PTHLH: variants seen among roughly 807,000 people sequenced by gnomAD.
PTHLH encodes the protein parathyroid hormone like hormone, also known as parathyroid hormone-related protein.
In PTHLH, 5 loss-of-function variants were observed where a neutral mutation model predicts 18.6. The ratio of observed to expected loss-of-function variants is 0.27; its 90% CI spans 0.14 to 0.56. The LOEUF (loss-of-function observed/expected upper bound fraction) is 0.56, where lower values mean the gene tolerates loss of function less well. Among genes scored for constraint, PTHLH ranks in the 20% least tolerant of loss-of-function variants. PTHLH has a pLI of 0.92. For missense variants in PTHLH, 207 were observed against 223.9 expected, an observed-to-expected ratio of 0.92 and a Z score of 0.48; for synonymous variants, 90 against 94.0, an observed-to-expected ratio of 0.96 and a Z score of 0.25.
At chr12:27,963,990 T>C (rs922637287) in intron 4 of PTHLH, among the ~76,000 whole-genome samples, 1 of 152,154 alleles carries the variant, frequency 6.6e-6, no homozygotes. Context: ...TACCACTCAC[T>C]AGGTTGTGAC....
chr12:27,969,262 C>A, intron 4 of PTHLH, 132 bp downstream of exon 4: 1 of 865,590 alleles, frequency 1.2e-6, no homozygotes, highest in South Asian at 1.7e-5. Context: ...GGCAGGTATC[C>A]GGGATGGTCC....
chr12:27,965,385 C>T (rs2062803614), intron 4 of PTHLH, among the ~76,000 whole-genome samples: 1 of 152,202 alleles, frequency 6.6e-6, no homozygotes, highest in African/African-American at 2.4e-5. Context: ...CAATAATAGG[C>T]AGATTGGACA....
chr12:27,970,050 G>A lies in PTHLH; in HGVS notation c.-48C>T, dbSNP rs751553507. 2.5e-5 allele frequency: 13 copies of A among 518,912 alleles called. No homozygotes were observed. Among genetic ancestry groups the A allele is most frequent in the South Asian group, 5.6e-5 (4 of 71,600 alleles). 32.1% of individuals were successfully genotyped at this position (518,912 alleles called of 1,614,324 possible). A position where few individuals can be genotyped will look rare whatever the true frequency, so the allele number is the denominator to read the frequency against. On this transcript the variant is annotated 5_prime_UTR_variant, in exon 3 of 6. Transcript: ENST00000545234. ...CTCCTCTGGTGGGCTGGTTGCTTCCGGAAAGTTGATTCCACACACCCTGAG... is the reference window on the plus strand; with the variant it reads ...CTCCTCTGGTGGGCTGGTTGCTTCCAGAAAGTTGATTCCACACACCCTGAG...
chr12:27,958,829 T>C (rs1373518448), intron 5 of PTHLH, among the ~76,000 whole-genome samples: 1 of 152,220 alleles, frequency 6.6e-6, no homozygotes, highest in Non-Finnish European at 1.5e-5. Flanking sequence ...CCAATCATGC[T>C]GTCAGAAAAA....
At chr12:27,965,004 G>A (rs2062799190) in intron 4 of PTHLH, among the ~76,000 whole-genome samples, 1 of 152,180 alleles carries the variant, frequency 6.6e-6, no homozygotes, top group South Asian at 2.1e-4. Context: ...TACATCCCAT[G>A]TACTCTTACT....
At position 27,958,270 on chromosome 12, in the gene PTHLH, TTA is replaced by T. The variant is rs1311696944; in HGVS notation, c.*287_*288del. The T allele has an allele frequency of 3.7e-6, 1 of 273,132 alleles. No individual in the cohort carries two copies. The highest frequency in any genetic ancestry group is 6.1e-5 in the East Asian group (1 of 16,414). The allele number at this position is 273,132 out of a possible 1,614,324, so 16.9% of individuals were successfully genotyped here. A position where few individuals can be genotyped will look rare whatever the true frequency, so the allele number is the denominator to read the frequency against. On this transcript the variant is annotated 3_prime_UTR_variant, in exon 6 of 6. Coordinates refer to ENST00000545234, the MANE Select transcript of PTHLH (RefSeq NM_198965.2). Reference sequence around the variant, plus strand: ...ACTTGATATGTATATCTAAAGTGCATTATGTTACAAAAAATATAGAAATTCAG... The same window carrying T: ...ACTTGATATGTATATCTAAAGTGCATTGTTACAAAAAATATAGAAATTCAG...
Position 27,971,983 on chromosome 12 carries a change from G to A in PTHLH, c.-322C>T, listed in dbSNP as rs1391696074. On this transcript the variant is annotated 5_prime_UTR_variant, in exon 2 of 6. Transcript: ENST00000545234. ...AAAGAATCCTTCCAAAAAGATGCAG[G>A]AGCCCTAATGTAATCGTTAGATCTG... is the stretch of plus-strand genomic sequence containing the variant. The A allele has an allele frequency of 1.4e-5, 2 of 138,498 alleles. No homozygotes were observed. The highest frequency in any genetic ancestry group is 3.0e-5 in the Non-Finnish European group (2 of 65,844). 8.6% of individuals were successfully genotyped at this position (138,498 alleles called of 1,614,324 possible).
At chr12:27,964,638 G>T (rs2062796231) in intron 4 of PTHLH, among the ~76,000 whole-genome samples, 1 of 151,942 alleles carries the variant, frequency 6.6e-6, no homozygotes, top group South Asian at 2.1e-4. Flanking sequence ...CAGAGAGTAT[G>T]ATCCTTACTA....
In PTHLH at chr12:27,969,482, G is replaced by T; in HGVS notation, c.13C>A (p.Leu5Met). 1 of 1,585,658 alleles carries T rather than the reference G, an allele frequency of 6.3e-7. No homozygotes were observed. The stretch of plus-strand genomic sequence containing the variant: ...ACCGCGACGCTCCACTGCTGAACCA[G>T]TCTCCGCTGCATCGTCTCCGCTCGC... MQRR[L>M]VQQWSVAVFL... Residue 5 changes from leucine (L) to methionine (M), a missense_variant, in exon 4 of 6, where the codon CTG becomes ATG. Coordinates refer to ENST00000545234, the MANE Select transcript of PTHLH (RefSeq NM_198965.2).
rs1410663264 is a variant in PTHLH at position 27,963,536 on chromosome 12, C to A, written c.336G>T (p.Glu112Asp). The A allele has an allele frequency of 6.2e-7, 1 of 1,614,068 alleles. No individual in the cohort carries two copies. Among genetic ancestry groups the A allele is most frequent in the African/African-American group, 1.3e-5 (1 of 74,924 alleles). Residue 112 changes from glutamate (E) to aspartate (D), a missense_variant, in exon 5 of 6, where the codon GAG becomes GAT. Physicochemically the swap from Glu to Asp is conservative, Grantham distance 45. Coordinates refer to ENST00000545234, the MANE Select transcript of PTHLH (RefSeq NM_198965.2). ...TCTTGAGCGGCTGCTCTTTGTACGTCTCCACCTTGTTAGTTTCCTGAGTTA... is the reference window on the plus strand; with the variant it reads ...TCTTGAGCGGCTGCTCTTTGTACGTATCCACCTTGTTAGTTTCCTGAGTTA... ...RYLTQETNKVETYKEQPLKTP... is the reference protein window; with the variant it reads ...RYLTQETNKVDTYKEQPLKTP...
At chr12:27,968,478 C>T (rs960275224) in intron 4 of PTHLH, among the ~76,000 whole-genome samples, 1 of 152,180 alleles carries the variant, frequency 6.6e-6, no homozygotes. Flanking sequence ...CCATTCTGAA[C>T]ACTGAGTCTG....
intron 4 of PTHLH, among the ~76,000 whole-genome samples, chr12:27,965,170 GTC>G (rs1214309074): frequency 1.3e-5 from 2 of 152,022 alleles, no homozygotes; most frequent in Non-Finnish European, 2.9e-5. Context: ...ACTTGCCCTA[GTC>G]TACACAATGA....
At chr12:27,968,400 T>C (rs2062836063) in intron 4 of PTHLH, among the ~76,000 whole-genome samples, 1 of 152,226 alleles carries the variant, frequency 6.6e-6, no homozygotes, top group Admixed American at 6.5e-5. Context: ...TTATTGTTAG[T>C]GTAAAAATTT....
At chr12:27,958,628 A>G (rs1469095950) in intron 5 of PTHLH, 60 bp from the exon 6 acceptor site, 1 of 1,472,768 alleles carries the variant, frequency 6.8e-7, no homozygotes, top group African/African-American at 1.4e-5. Flanking sequence ...TTACAAATGA[A>G]AACATAAAAT....
intron 4 of PTHLH, among the ~76,000 whole-genome samples, chr12:27,964,593 C>T (rs894238081): frequency 6.6e-6 from 1 of 151,662 alleles, no homozygotes; most frequent in Non-Finnish European, 1.5e-5. Context: ...TCTATTTCTT[C>T]TGTGCTTCAT....
At chr12:27,968,601 A>G (rs1351747932) in intron 4 of PTHLH, among the ~76,000 whole-genome samples, 1 of 152,254 alleles carries the variant, frequency 6.6e-6, no homozygotes, top group African/African-American at 2.4e-5. Flanking sequence ...GTCACACGAC[A>G]TAGTGATATT....
At position 27,958,555 on chromosome 12, in the gene PTHLH, A is replaced by G; in HGVS notation, c.*4T>C. 1 of 1,575,702 alleles carries G rather than the reference A, an allele frequency of 6.3e-7. No homozygotes were observed. ...ATGTCCTTGGAAGGTCTCTGCTGAAAATTTCAATGCCTCCTGCAAAAAGAA... is the reference window on the plus strand; with the variant it reads ...ATGTCCTTGGAAGGTCTCTGCTGAAGATTTCAATGCCTCCTGCAAAAAGAA... On this transcript the variant is annotated 3_prime_UTR_variant, in exon 6 of 6. Coordinates refer to ENST00000545234, the MANE Select transcript of PTHLH (RefSeq NM_198965.2).
chr12:27,961,737 T>C (rs140985379), intron 5 of PTHLH: 79 of 484,772 alleles, frequency 1.6e-4, no homozygotes, highest in African/African-American at 1.5e-3. Context: ...CATTGATTAC[T>C]GAAGCTGTAC....
At chr12:27,971,029 G>A (rs963675595) in intron 2 of PTHLH, among the ~76,000 whole-genome samples, 12 of 152,226 alleles carry the variant, frequency 7.9e-5, no homozygotes, top group African/African-American at 2.6e-4. Flanking sequence ...CCGCGCACAG[G>A]AGAGATCCCC....
Sources: gnomAD v4.1 joint callset for allele counts (sites outside exome capture counted in the v4.1 genomes callset) on GRCh38, gnomAD v4.1.1 for gene constraint, MANE v1.5 for transcripts, NCBI Gene and HGNC (gene_info 2026-07-23, HGNC 2026-07-21) for gene names.